The following SMARCA2 variants were observed in gnomAD, a reference collection of about 807,000 sequenced individuals.
SMARCA2 encodes SWI/SNF-related matrix-associated actin-dependent regulator of chromatin subfamily A member 2.
Under a neutral mutation model 199.8 loss-of-function variants are expected in SMARCA2, and 61 were observed. The observed-to-expected ratio is 0.31, with a 90% CI of 0.25 to 0.38. The LOEUF (loss-of-function observed/expected upper bound fraction) is 0.38. Among genes scored for constraint, SMARCA2 ranks in the 10% least tolerant of loss-of-function variants. The pLI is 1.00. For missense variants in SMARCA2, 1,344 were observed against 2,012.2 expected (o/e 0.67, Z 6.35); for synonymous variants, 935 against 732.0 (o/e 1.28, Z -4.48).
At chr9:2,077,865 C>A in intron 14 of SMARCA2, 89 bp downstream of exon 14, 1 of 1,217,996 alleles carries the variant, frequency 8.2e-7, no homozygotes, top group Non-Finnish European at 1.2e-6. Context: ...TGACTAAGGG[C>A]TTTTGATGAT....
At chr9:2,116,409 A>AG (rs1586722101) in intron 25 of SMARCA2, among the ~76,000 whole-genome samples, 1 of 152,162 alleles carries the variant, frequency 6.6e-6, no homozygotes, top group African/African-American at 2.4e-5. Context: ...CATAAATGGA[A>AG]GGGGTCCTCT....
At chr9:2,075,417 A>T (rs902948693) in intron 12 of SMARCA2, 1 of 152,244 alleles carries the variant, frequency 6.6e-6, no homozygotes, top group Non-Finnish European at 1.5e-5. Flanking sequence ...GACAGAATGG[A>T]CACTTACTTA....
At chr9:2,117,771 A>G (rs1009284563) in intron 25 of SMARCA2, among the ~76,000 whole-genome samples, 1 of 152,220 alleles carries the variant, frequency 6.6e-6, no homozygotes, top group African/African-American at 2.4e-5. Context: ...TTGTCCTGCC[A>G]TCAAGGCTAG....
At position 2,016,159 on chromosome 9, in the gene SMARCA2, G is replaced by A. The variant is rs1247287416; in HGVS notation, c.-37+755G>A. 2 of 152,414 alleles carry A rather than the reference G, an allele frequency of 1.3e-5. No homozygotes were observed. Among genetic ancestry groups the A allele is most frequent in the Non-Finnish European group, 2.9e-5 (2 of 68,212 alleles). The allele number at this position is 152,414 out of a possible 1,614,324, so 9.4% of individuals were successfully genotyped here. A position where few individuals can be genotyped will look rare whatever the true frequency, so the allele number is the denominator to read the frequency against. ...CGCGGGGCCGGTGCGTGCCTGATCG[G>A]AGGTGTCACCTCCACTTTCCGCGTT... On this transcript the variant is annotated intron_variant, in intron 1 of 33. Transcript: ENST00000349721. The surrounding 1 kb of genome is among the most constrained non-coding windows in gnomAD (Gnocchi z 5.6).
intron 32 of SMARCA2, among the ~76,000 whole-genome samples, chr9:2,188,664 TTACCACAAAC>T (rs1218501800): frequency 1.3e-5 from 2 of 152,336 alleles, no homozygotes; most frequent in African/African-American, 4.8e-5. Context: ...CTATAACAAA[TTACCACAAAC>T]TTAGTGACTT....
In SMARCA2 at chr9:2,172,033, G is replaced by T. The variant is rs576318015; in HGVS notation, c.4253+1561G>T. Among the ~76,000 whole-genome samples, 14 of 152,288 alleles carry T rather than the reference G, an allele frequency of 9.2e-5. No individual in the cohort carries two copies. In the South Asian group the frequency reaches 2.9e-3, roughly 32 times the overall value. ...TGTAATTTCCAGAGACATAGCAGTG[G>T]GCTTGGTGTTTGCTTCCTCAGGGCT... On this transcript the variant is annotated intron_variant, in intron 29 of 33. Coordinates refer to ENST00000349721, the MANE Select transcript of SMARCA2 (RefSeq NM_003070.5).
At position 2,170,168 on chromosome 9, in the gene SMARCA2, AG is replaced by A. The variant is rs1471882320; in HGVS notation, c.4200-249del. On this transcript the variant is annotated intron_variant, in intron 28 of 33. Coordinates refer to ENST00000349721, the MANE Select transcript of SMARCA2 (RefSeq NM_003070.5). The surrounding 1 kb of genome is among the most constrained non-coding windows in gnomAD (Gnocchi z 4.7). ...AACATGTAAGAGGGAACAGGGTAAC[AG>A]GAATTTCTGTGTGTGACGGAAGTAG... Among the ~76,000 whole-genome samples the A allele has an allele frequency of 6.6e-6, 1 of 152,204 alleles. No individual in the cohort carries two copies. The highest frequency in any genetic ancestry group is 1.5e-5 in the Non-Finnish European group (1 of 68,040).
chr9:2,097,208 A>G (rs967843241), intron 20 of SMARCA2, 177 bp from the exon 21 acceptor site: 12 of 545,322 alleles, frequency 2.2e-5, no homozygotes, highest in East Asian at 5.8e-5. Flanking sequence ...CAAGAAAGAC[A>G]TTATGTCTAA....
intron 2 of SMARCA2, among the ~76,000 whole-genome samples, chr9:2,031,796 C>T (rs952565773): frequency 1.4e-4 from 22 of 152,184 alleles, no homozygotes. Context: ...CACCTGCTGA[C>T]CAGATGCCTT....
At position 2,016,436 on chromosome 9, in the gene SMARCA2, T is replaced by TTGC. The variant is rs1181180171; in HGVS notation, c.-37+1033_-37+1034insGCT. ...CTCCCTCTCCCCGGGTCCGTGTTCT[T>TTGC]TTGCTTCGCGTCTTCCCCTTGCTTG... On this transcript the variant is annotated intron_variant, in intron 1 of 33. Transcript: ENST00000349721. This position sits in a 1 kb window ranked among gnomAD's most constrained non-coding sequence, Gnocchi z 5.6. 6.6e-6 allele frequency: 1 copy of TTGC among 152,300 alleles called. No homozygotes were observed. The highest frequency in any genetic ancestry group is 2.4e-5 in the African/African-American group (1 of 41,416). The allele number at this position is 152,300 out of a possible 1,614,324, so 9.4% of individuals were successfully genotyped here.
intron 29 of SMARCA2, among the ~76,000 whole-genome samples, chr9:2,179,946 G>C (rs1262971171): frequency 2.6e-5 from 4 of 152,170 alleles, no homozygotes; most frequent in African/African-American, 9.6e-5. Context: ...TAAAATGTTT[G>C]GGTGTATAAA....
rs3057853 is a variant in SMARCA2, at chr9:2,035,008, CTTTATTTATTTA to C, written c.355+1961_355+1972del. Among the ~76,000 whole-genome samples the C allele has an allele frequency of 7.6e-3, 1,093 of 143,102 alleles. 13 individuals carry two copies. Among genetic ancestry groups the C allele is most frequent in the African/African-American group, 0.025 (989 of 39,052 alleles). The allele number at this position is 143,102 out of a possible 152,430, so 93.9% of individuals were successfully genotyped here. A position where few individuals can be genotyped will look rare whatever the true frequency, so the allele number is the denominator to read the frequency against. On this transcript the variant is annotated intron_variant, in intron 3 of 33. Coordinates refer to ENST00000349721, the MANE Select transcript of SMARCA2 (RefSeq NM_003070.5). ...GTATGTTCATGGAGCTAATATAAGC[CTTTATTTATTTA>C]TTTATTTATTTATTTATTTATTTAT...
intron 28 of SMARCA2, among the ~76,000 whole-genome samples, chr9:2,168,916 A>G (rs1192550537): frequency 1.3e-5 from 2 of 152,082 alleles, no homozygotes; most frequent in Non-Finnish European, 1.5e-5. Flanking sequence ...AGCTTCTCTG[A>G]GTTAGTTACA....
chr9:2,159,011 A>G (rs758483022), intron 27 of SMARCA2: 2 of 1,610,532 alleles, frequency 1.2e-6, no homozygotes, highest in African/African-American at 1.3e-5. Context: ...TGTAATTCCA[A>G]AACCTAAATT....
rs1168037033 is a variant in SMARCA2 at position 2,115,810 on chromosome 9, C to T, written c.3457-12C>T. ...CATCTCAGTCCTCATAGCATATTGA[C>T]CCCCCAAACAGGATCTGCAGGCCCA... is the stretch of plus-strand genomic sequence containing the variant. On this transcript the variant is annotated splice_polypyrimidine_tract_variant and intron_variant, in intron 24 of 33. Transcript: ENST00000349721. This position sits in a 1 kb window ranked among gnomAD's most constrained non-coding sequence, Gnocchi z 6.0. 1.2e-6 allele frequency: 2 copies of T among 1,611,062 alleles called. No homozygotes were observed. Among genetic ancestry groups the T allele is most frequent in the Non-Finnish European group, 1.7e-6 (2 of 1,177,792 alleles).
chr9:2,172,741 G>T (rs1214577283), intron 29 of SMARCA2, among the ~76,000 whole-genome samples: 1 of 152,184 alleles, frequency 6.6e-6, no homozygotes, highest in Admixed American at 6.5e-5. Flanking sequence ...GAGCACACCT[G>T]AGTTCTGGGC....
chr9:2,083,528 A>C (rs1286560995), intron 16 of SMARCA2, 115 bp downstream of exon 16: 4 of 628,234 alleles, frequency 6.4e-6, no homozygotes, highest in Non-Finnish European at 1.1e-5. Flanking sequence ...TGTCATGTAC[A>C]TCATGTACTA....
In SMARCA2 at chr9:2,096,766, T is replaced by TA; in HGVS notation, c.2991+3dup. 2 of 1,589,012 alleles carry TA rather than the reference T, an allele frequency of 1.3e-6. No individual in the cohort carries two copies. Among genetic ancestry groups the TA allele is most frequent in the Non-Finnish European group, 1.7e-6 (2 of 1,156,994 alleles). On this transcript the variant is annotated splice_region_variant and intron_variant, in intron 20 of 33. Transcript: ENST00000349721. The stretch of plus-strand genomic sequence containing the variant: ...GATGGTTCTGAGAAAGATAAGAAGG[T>TA]ACGTTGCGAAAGATGATGCAACTCA...
chr9:2,038,585 C>T (rs1013091774), intron 3 of SMARCA2, among the ~76,000 whole-genome samples: 6 of 152,138 alleles, frequency 3.9e-5, no homozygotes, highest in African/African-American at 1.2e-4. Flanking sequence ...AATTTGGAGG[C>T]AAGTTATTTA....
Sources: allele counts gnomAD v4.1 joint callset (sites outside exome capture counted in the v4.1 genomes callset), GRCh38; gene constraint gnomAD v4.1.1; non-coding constraint Gnocchi (gnomAD v3.1); transcripts MANE v1.5; gene names NCBI Gene and HGNC (gene_info 2026-07-23, HGNC 2026-07-21).